ACVR1: variants seen among roughly 807,000 people sequenced by gnomAD.
ACVR1 encodes activin receptor type-1.
Under a neutral mutation model 57.1 loss-of-function variants are expected in ACVR1, and 38 were observed. The observed-to-expected ratio is 0.67, with a 90% CI of 0.51 to 0.87. The LOEUF (loss-of-function observed/expected upper bound fraction) is 0.87. ACVR1 is among the 40% of genes least tolerant of loss of function. ACVR1 has a pLI of 0.00. For synonymous variants in ACVR1, 212 were observed against 228.1 expected, an observed-to-expected ratio of 0.93 and a Z score of 0.63; for missense variants, 463 against 638.2, an observed-to-expected ratio of 0.73 and a Z score of 2.96.
intron 3 of ACVR1, among the ~76,000 whole-genome samples, chr2:157,791,514 T>A (rs1686910950): frequency 6.6e-6 from 1 of 152,202 alleles, no homozygotes; most frequent in African/African-American, 2.4e-5. Flanking sequence ...TACCTCCACA[T>A]TCTGGCCTCT....
chr2:157,770,452 T>G lies in ACVR1; in HGVS notation c.706A>C (p.Ile236Leu), dbSNP rs747230014. The change falls in exon 7 of 11, where the codon ATC (isoleucine) becomes CTC (leucine). Residue 236 changes from isoleucine (I) to leucine (L), a missense_variant. Ile to Leu is a conservative substitution (Grantham distance 5). This residue lies in a region of ACVR1 where 114 missense variants were observed against 216.2 expected (regional missense o/e 0.53). Transcript: ENST00000434821. ...SWQGENVAVK[I>L]FSSRDEKSWF... is the part of the protein sequence containing the mutation. ...GACTTCTCATCACGGGAGGAGAAGA[T>G]CTTCACGGCAACATTCTCCCCTTGC... 9.3e-6 allele frequency: 15 copies of G among 1,613,954 alleles called. No homozygotes were observed. The highest frequency in any genetic ancestry group is 1.2e-5 in the Non-Finnish European group (14 of 1,179,964).
chr2:157,814,701 G>A (rs561999261), intron 2 of ACVR1, among the ~76,000 whole-genome samples: 1 of 152,246 alleles, frequency 6.6e-6, no homozygotes, highest in African/African-American at 2.4e-5. Flanking sequence ...CTTTGTTCAC[G>A]ATAATAAAAA....
At chr2:157,743,539 C>T (rs1335090428) in intron 9 of ACVR1, among the ~76,000 whole-genome samples, 1 of 151,762 alleles carries the variant, frequency 6.6e-6, no homozygotes, top group African/African-American at 2.4e-5. Flanking sequence ...AATCCTTTTT[C>T]AAAACTCTCA....
chr2:157,737,105 T>C lies in ACVR1; in HGVS notation c.*426A>G. 1 of 302,486 alleles carries C rather than the reference T, an allele frequency of 3.3e-6. No individual in the cohort carries two copies. Among genetic ancestry groups the C allele is most frequent in the Non-Finnish European group, 6.2e-6 (1 of 162,076 alleles). The allele number at this position is 302,486 out of a possible 1,614,324, so 18.7% of individuals were successfully genotyped here. ...GCAAGTAAGGAATGCAAAGAATTCC[T>C]AGTGCAATAAAGAAGAGAAGCACAG... On this transcript the variant is annotated 3_prime_UTR_variant, in exon 11 of 11. Transcript: ENST00000434821.
chr2:157,809,143 GTTAT>G (rs1402132595), intron 2 of ACVR1, among the ~76,000 whole-genome samples: 1 of 152,072 alleles, frequency 6.6e-6, no homozygotes, highest in African/African-American at 2.4e-5. Context: ...TATTTTTACA[GTTAT>G]TTAAACTTTG....
At chr2:157,747,063 T>C (rs1184736389) in intron 9 of ACVR1, among the ~76,000 whole-genome samples, 1 of 152,230 alleles carries the variant, frequency 6.6e-6, no homozygotes, top group Non-Finnish European at 1.5e-5. Flanking sequence ...TCATCAATTT[T>C]TATAATGCAT....
chr2:157,763,655 G>A (rs1349450660), intron 8 of ACVR1, among the ~76,000 whole-genome samples: 1 of 152,050 alleles, frequency 6.6e-6, no homozygotes, highest in Non-Finnish European at 1.5e-5. Context: ...CCAGTAGATC[G>A]AGGCTGCAGT....
intron 9 of ACVR1, among the ~76,000 whole-genome samples, chr2:157,744,103 C>A (rs1197622106): frequency 6.6e-6 from 1 of 152,230 alleles, no homozygotes; most frequent in East Asian, 1.9e-4. Flanking sequence ...TCTCTCCTTG[C>A]ATCTCATGCC....
intron 9 of ACVR1, among the ~76,000 whole-genome samples, chr2:157,756,639 C>G (rs941110507): frequency 6.6e-6 from 1 of 151,650 alleles, no homozygotes; most frequent in African/African-American, 2.4e-5. Context: ...TGGCCATAAT[C>G]AAAAAATCAA....
intron 9 of ACVR1, among the ~76,000 whole-genome samples, chr2:157,748,892 T>A (rs1358191034): frequency 6.6e-6 from 1 of 152,104 alleles, no homozygotes; most frequent in African/African-American, 2.4e-5. Flanking sequence ...CAAACCTCAA[T>A]CCTTAGGAGA....
At chr2:157,817,927 G>A (rs538633365) in intron 2 of ACVR1, among the ~76,000 whole-genome samples, 1 of 151,128 alleles carries the variant, frequency 6.6e-6, no homozygotes, top group East Asian at 2.0e-4. Flanking sequence ...GCGTGACCCT[G>A]GGAGGTGGAG....
At chr2:157,815,480 T>C (rs1687901500) in intron 2 of ACVR1, among the ~76,000 whole-genome samples, 2 of 152,280 alleles carry the variant, frequency 1.3e-5, no homozygotes, top group East Asian at 3.9e-4. Context: ...CCGGAAAACT[T>C]CTCTGGTGAC....
intron 9 of ACVR1, among the ~76,000 whole-genome samples, chr2:157,750,039 C>T (rs1191286852): frequency 6.6e-6 from 1 of 152,186 alleles, no homozygotes; most frequent in Admixed American, 6.5e-5. Flanking sequence ...GCCCAGCCTG[C>T]TAGCACCCGC....
chr2:157,761,351 C>T (rs772525900), intron 8 of ACVR1, among the ~76,000 whole-genome samples: 18 of 152,268 alleles, frequency 1.2e-4, no homozygotes, highest in Non-Finnish European at 2.5e-4. Context: ...GACCAATGCA[C>T]TAAACCAATG....
chr2:157,754,009 C>T (rs1324641446), intron 9 of ACVR1, among the ~76,000 whole-genome samples: 3 of 152,166 alleles, frequency 2.0e-5, no homozygotes, highest in African/African-American at 4.8e-5. Context: ...CCTCAATGAT[C>T]ACTGGGTCAA....
Position 157,854,199 on chromosome 2 carries a change from T to TAAAA in ACVR1, c.-183+21593_-183+21596dup, listed in dbSNP as rs398060692. Among the ~76,000 whole-genome samples the TAAAA allele has an allele frequency of 7.9e-4, 94 of 118,488 alleles. 1 individual carries two copies. The South Asian group carries it at 0.011, about 14-fold the overall frequency. 77.7% of individuals were successfully genotyped at this position (118,488 alleles called of 152,430 possible). On this transcript the variant is annotated intron_variant, in intron 1 of 10. Transcript: ENST00000434821. ...ATGAATCAATCAGACCCTAAAGGAG[T>TAAAA]AAAAAAAAAAAAAAAAAAGAAGCAT...
intron 3 of ACVR1, among the ~76,000 whole-genome samples, chr2:157,783,831 G>A (rs1686614858): frequency 6.6e-6 from 1 of 152,070 alleles, no homozygotes; most frequent in Non-Finnish European, 1.5e-5. Flanking sequence ...AATTAGCAAA[G>A]TCCTTCATCA....
At chr2:157,863,341 T>C (rs1458052854) in intron 1 of ACVR1, among the ~76,000 whole-genome samples, 14 of 95,990 alleles carry the variant, frequency 1.5e-4, no homozygotes, top group African/African-American at 5.0e-4. Context: ...TTTCTCTTTT[T>C]TTTTTTTTTT....
rs180834840 is a variant in ACVR1, at chr2:157,835,252, C to A, written c.-182-16693G>T. Reference sequence around the variant, plus strand: ...CCCAGAACTGAGCCAGTTAGAACTGCGGTCCTGCCATGCGCTATCTTTAAG... The same window carrying A: ...CCCAGAACTGAGCCAGTTAGAACTGAGGTCCTGCCATGCGCTATCTTTAAG... On this transcript the variant is annotated intron_variant, in intron 1 of 10. Transcript: ENST00000434821. Among the ~76,000 whole-genome samples, 8 of 152,242 alleles carry A rather than the reference C, an allele frequency of 5.3e-5. No homozygotes were observed. In the East Asian group the frequency reaches 5.8e-4, roughly 11 times the overall value.
Sources: allele counts gnomAD v4.1 joint callset (sites outside exome capture counted in the v4.1 genomes callset), GRCh38; gene constraint gnomAD v4.1.1; regional missense constraint gnomAD v4.1.1; transcripts MANE v1.5; gene names NCBI Gene and HGNC (gene_info 2026-07-23, HGNC 2026-07-21).